SH3RF3: variants seen among roughly 807,000 people sequenced by gnomAD.
SH3RF3 encodes SH3 domain containing ring finger 3.
A neutral mutation model predicts 66.3 loss-of-function variants in SH3RF3; 29 were observed. That is an observed-to-expected ratio of 0.44 (90% CI 0.33 to 0.60). The LOEUF (loss-of-function observed/expected upper bound fraction) is 0.60, where lower values mean the gene tolerates loss of function less well. SH3RF3 is among the 20% of genes least tolerant of loss of function. The pLI is 0.04. For synonymous variants in SH3RF3, 583 were observed against 532.0 expected, an observed-to-expected ratio of 1.10 and a Z score of -1.32; for missense variants, 1,194 against 1,190.9, an observed-to-expected ratio of 1.00 and a Z score of -0.04.
At position 109,287,850 on chromosome 2, in the gene SH3RF3, CCACT is replaced by C. The variant is rs143192254; in HGVS notation, c.574-59821_574-59818del. Reference sequence around the variant, plus strand: ...TCTCCTGTGTGCAGTTTCCTAAACCCCACTCATAGTCCTATAGTTTTTCTTTTGC... The same window carrying C: ...TCTCCTGTGTGCAGTTTCCTAAACCCCATAGTCCTATAGTTTTTCTTTTGC... On this transcript the variant is annotated intron_variant, in intron 1 of 9. Transcript: ENST00000309415. Among the ~76,000 whole-genome samples the C allele has an allele frequency of 1.4e-3, 216 of 152,306 alleles. 2 individuals are homozygous for C. The highest frequency in any genetic ancestry group is 4.8e-3 in the African/African-American group (199 of 41,560).
intron 1 of SH3RF3, among the ~76,000 whole-genome samples, chr2:109,238,627 T>G (rs911671838): frequency 2.6e-5 from 4 of 152,128 alleles, no homozygotes; most frequent in Admixed American, 2.6e-4. Context: ...TGCCACTGTT[T>G]CAGAGTTTCT....
At chr2:109,480,782 G>A (rs1259283266) in intron 8 of SH3RF3, among the ~76,000 whole-genome samples, 1 of 152,184 alleles carries the variant, frequency 6.6e-6, no homozygotes, top group Non-Finnish European at 1.5e-5. Flanking sequence ...CTGGGCACAG[G>A]GACCTGGGAC....
At chr2:109,241,409 T>C (rs1365400418) in intron 1 of SH3RF3, among the ~76,000 whole-genome samples, 1 of 152,220 alleles carries the variant, frequency 6.6e-6, no homozygotes. Flanking sequence ...TGGGTATAGA[T>C]GCATTGGGGG....
At chr2:109,495,763 C>T (rs1284893334) in intron 9 of SH3RF3, among the ~76,000 whole-genome samples, 3 of 152,034 alleles carry the variant, frequency 2.0e-5, no homozygotes, top group Non-Finnish European at 2.9e-5. Flanking sequence ...GAGTGCTGGG[C>T]GTGAGGCGTG....
intron 2 of SH3RF3, among the ~76,000 whole-genome samples, chr2:109,355,392 G>A (rs938755280): frequency 4.6e-5 from 7 of 152,182 alleles, no homozygotes; most frequent in African/African-American, 1.7e-4. Context: ...AGGGTTGGTG[G>A]ACTAGGACTC....
intron 1 of SH3RF3, among the ~76,000 whole-genome samples, chr2:109,343,613 A>G (rs1007224713): frequency 1.3e-5 from 2 of 152,060 alleles, no homozygotes; most frequent in Non-Finnish European, 2.9e-5. Context: ...TCCGAGAATC[A>G]TGCTCTCAGT....
chr2:109,371,042 A>G (rs1245698273), intron 2 of SH3RF3, among the ~76,000 whole-genome samples: 1 of 152,250 alleles, frequency 6.6e-6, no homozygotes, highest in East Asian at 1.9e-4. Context: ...ACTCTGTGGT[A>G]CATTGCCAGG....
At chr2:109,231,690 T>G (rs1311952581) in intron 1 of SH3RF3, among the ~76,000 whole-genome samples, 1 of 152,206 alleles carries the variant, frequency 6.6e-6, no homozygotes, top group Non-Finnish European at 1.5e-5. Context: ...ATAATTAGTA[T>G]TTTTAGTCTG....
chr2:109,309,957 C>G (rs1383765287), intron 1 of SH3RF3, among the ~76,000 whole-genome samples: 1 of 125,064 alleles, frequency 8.0e-6, no homozygotes, highest in Non-Finnish European at 1.6e-5. Flanking sequence ...ACAAGGATAC[C>G]CAAGAATTGA....
chr2:109,222,203 G>A (rs1334446844), intron 1 of SH3RF3, among the ~76,000 whole-genome samples: 2 of 152,188 alleles, frequency 1.3e-5, no homozygotes, highest in Non-Finnish European at 2.9e-5. Context: ...AGGATGTGTT[G>A]GTGGTAGGGA....
chr2:109,205,806 AG>A (rs1208938612), intron 1 of SH3RF3, among the ~76,000 whole-genome samples: 1 of 152,332 alleles, frequency 6.6e-6, no homozygotes. Context: ...GATCAGAGAC[AG>A]GGAAGCACAC....
chr2:109,206,224 C>T (rs955439967), intron 1 of SH3RF3, among the ~76,000 whole-genome samples: 3 of 152,078 alleles, frequency 2.0e-5, no homozygotes, highest in African/African-American at 7.2e-5. Flanking sequence ...GGCACGGTGG[C>T]TCACGCCTGT....
At chr2:109,139,940 A>T (rs1344519976) in intron 1 of SH3RF3, among the ~76,000 whole-genome samples, 1 of 152,234 alleles carries the variant, frequency 6.6e-6, no homozygotes, top group African/African-American at 2.4e-5. Context: ...GTTCCTAGGC[A>T]GATGGAGGCT....
At chr2:109,311,880 C>T (rs889218083) in intron 1 of SH3RF3, among the ~76,000 whole-genome samples, 1 of 152,052 alleles carries the variant, frequency 6.6e-6, no homozygotes, top group Non-Finnish European at 1.5e-5. Context: ...GTTGTTTTCT[C>T]GTTTTCTTAC....
At chr2:109,195,842 C>A (rs964681744) in intron 1 of SH3RF3, among the ~76,000 whole-genome samples, 1 of 152,174 alleles carries the variant, frequency 6.6e-6, no homozygotes, top group Non-Finnish European at 1.5e-5. Flanking sequence ...CGCCTGATCC[C>A]GGCATGGAGT....
chr2:109,431,800 C>T (rs959465428), intron 5 of SH3RF3, among the ~76,000 whole-genome samples: 2 of 151,934 alleles, frequency 1.3e-5, no homozygotes, highest in African/African-American at 4.8e-5. Flanking sequence ...GAGCCCAGGC[C>T]ATTGAGGCTG....
intron 1 of SH3RF3, among the ~76,000 whole-genome samples, chr2:109,338,143 C>T (rs1325753591): frequency 6.6e-6 from 1 of 152,190 alleles, no homozygotes; most frequent in Non-Finnish European, 1.5e-5. Flanking sequence ...AAGTTATTTG[C>T]TACCAACAGG....
chr2:109,339,496 A>G (rs1682506914), intron 1 of SH3RF3, among the ~76,000 whole-genome samples: 1 of 152,082 alleles, frequency 6.6e-6, no homozygotes. Flanking sequence ...CCCACAAAGG[A>G]GGCCCACGTG....
intron 1 of SH3RF3, among the ~76,000 whole-genome samples, chr2:109,277,530 C>G (rs1392656817): frequency 6.6e-6 from 1 of 152,196 alleles, no homozygotes; most frequent in African/African-American, 2.4e-5. Context: ...TACCAAGTGA[C>G]AGGCGCTGGT....
Sources: allele counts gnomAD v4.1 joint callset (sites outside exome capture counted in the v4.1 genomes callset), GRCh38; gene constraint gnomAD v4.1.1; transcripts MANE v1.5; gene names NCBI Gene and HGNC (gene_info 2026-07-23, HGNC 2026-07-21).